KAZN: variants seen among roughly 807,000 people sequenced by gnomAD.
The protein encoded by KAZN is kazrin.
A neutral mutation model predicts 87.4 loss-of-function variants in KAZN; 40 were observed. The observed-to-expected ratio is 0.46, with a 90% CI of 0.36 to 0.60. KAZN has a LOEUF of 0.60. Among genes scored for constraint, KAZN ranks in the 20% least tolerant of loss-of-function variants. The pLI, the probability that KAZN is intolerant of heterozygous loss-of-function variation, is 0.00. For missense variants in KAZN, 898 were observed against 1,073.9 expected (o/e 0.84, Z 2.29); for synonymous variants, 466 against 458.3 (o/e 1.02, Z -0.22).
intron 1 of KAZN, among the ~76,000 whole-genome samples, chr1:14,041,069 C>T (rs1294074284): frequency 6.6e-6 from 1 of 152,128 alleles, no homozygotes. Context: ...TCACTTTGCT[C>T]CTCAGAAGCA....
chr1:14,005,043 A>G (rs1639976792), intron 1 of KAZN, among the ~76,000 whole-genome samples: 1 of 152,172 alleles, frequency 6.6e-6, no homozygotes, highest in Admixed American at 6.5e-5. Flanking sequence ...TCCAGCCTCC[A>G]TAACTGCAAG....
intron 1 of KAZN, among the ~76,000 whole-genome samples, chr1:14,012,019 G>A (rs1028457823): frequency 6.6e-6 from 1 of 152,138 alleles, no homozygotes; most frequent in Non-Finnish European, 1.5e-5. Context: ...CATTTTGTGG[G>A]TGGGGAGAAA....
chr1:14,008,988 C>A (rs929873138), intron 1 of KAZN, among the ~76,000 whole-genome samples: 5 of 152,160 alleles, frequency 3.3e-5, no homozygotes, highest in Non-Finnish European at 2.9e-5. Context: ...CAGCCCCTGG[C>A]GACTACCGTT....
At chr1:14,974,055 A>G (rs1665362758) in intron 2 of KAZN, among the ~76,000 whole-genome samples, 2 of 152,042 alleles carry the variant, frequency 1.3e-5, no homozygotes, top group Admixed American at 6.5e-5. Context: ...ATCTGGTGCC[A>G]TGGCAGGATG....
intron 2 of KAZN, among the ~76,000 whole-genome samples, chr1:14,406,402 A>G (rs1663856371): frequency 6.6e-6 from 1 of 152,208 alleles, no homozygotes; most frequent in Non-Finnish European, 1.5e-5. Flanking sequence ...AACCTGGATG[A>G]GATTGGAGAC....
At chr1:14,480,219 G>A (rs866295896) in intron 2 of KAZN, among the ~76,000 whole-genome samples, 35 of 152,332 alleles carry the variant, frequency 2.3e-4, no homozygotes, top group East Asian at 3.9e-4. Context: ...GGTAGCAAAC[G>A]TTCACCTGTA....
intron 1 of KAZN, among the ~76,000 whole-genome samples, chr1:14,753,091 T>C (rs1195273279): frequency 2.0e-5 from 3 of 152,232 alleles, no homozygotes; most frequent in Non-Finnish European, 4.4e-5. Flanking sequence ...CAAATCGTGG[T>C]TGAGGTCAAT....
At chr1:14,502,301 T>C (rs1451715702) in intron 2 of KAZN, among the ~76,000 whole-genome samples, 1 of 152,194 alleles carries the variant, frequency 6.6e-6, no homozygotes, top group Non-Finnish European at 1.5e-5. Context: ...TCTTCATTCA[T>C]TTATTCACTG....
At chr1:13,942,288 C>A (rs992831047) in intron 1 of KAZN, among the ~76,000 whole-genome samples, 7 of 151,946 alleles carry the variant, frequency 4.6e-5, no homozygotes, top group African/African-American at 1.7e-4. Context: ...CGCCTGTAAT[C>A]CCAGCACTTT....
intron 1 of KAZN, among the ~76,000 whole-genome samples, chr1:14,088,612 T>C (rs1208064929): frequency 6.6e-6 from 1 of 152,000 alleles, no homozygotes; most frequent in Non-Finnish European, 1.5e-5. Context: ...TCTGCTGTTG[T>C]TGGACAGGAT....
rs933202136 is a variant in KAZN at position 15,037,585 on chromosome 1, A to G, written c.555+2700A>G. ...GGGGTAGGGGCATATGCCTGCTACC[A>G]TTATTATTATCATTATCATTATTAT... On this transcript the variant is annotated intron_variant, in intron 3 of 14. Transcript: ENST00000376030. 1.9e-4 allele frequency among the ~76,000 whole-genome samples: 29 copies of G among 151,406 alleles called. 1 individual carries two copies. Among genetic ancestry groups the G allele is most frequent in the Admixed American group, 1.6e-3 (25 of 15,252 alleles).
chr1:14,449,976 T>A (rs566356610), intron 2 of KAZN, among the ~76,000 whole-genome samples: 3 of 152,186 alleles, frequency 2.0e-5, no homozygotes, highest in Non-Finnish European at 4.4e-5. Flanking sequence ...TTTTAACTCT[T>A]AATGGCCCCT....
chr1:14,846,831 A>C (rs1471030162), intron 1 of KAZN, among the ~76,000 whole-genome samples: 3 of 152,150 alleles, frequency 2.0e-5, no homozygotes, highest in African/African-American at 7.2e-5. Flanking sequence ...CTTCTTATAT[A>C]GGAAGGTGAC....
rs1308607565 is a variant in KAZN at position 14,914,053 on chromosome 1, C to T, written c.227-46631C>T. ...TCAGAGGGCATGAAGACCTAGCAGC[C>T]CTTCTGGGCAGGGCAGTGGCCCTCA... On this transcript the variant is annotated intron_variant, in intron 1 of 14. Coordinates refer to ENST00000376030, the MANE Select transcript of KAZN (RefSeq NM_201628.3). 2.0e-5 allele frequency among the ~76,000 whole-genome samples: 3 copies of T among 152,226 alleles called. No individual in the cohort carries two copies. In the East Asian group the frequency reaches 5.8e-4, roughly 29 times the overall value.
In KAZN at chr1:14,910,925, G is replaced by A. The variant is rs192322554; in HGVS notation, c.227-49759G>A. ...TGTGGGAAAAACAAAATATGTCTGTGAGCCAAATGTGGGCTACTGGCTGCA... is the reference window on the plus strand; with the variant it reads ...TGTGGGAAAAACAAAATATGTCTGTAAGCCAAATGTGGGCTACTGGCTGCA... On this transcript the variant is annotated intron_variant, in intron 1 of 14. Coordinates refer to ENST00000376030, the MANE Select transcript of KAZN (RefSeq NM_201628.3). Among the ~76,000 whole-genome samples, 7 of 152,294 alleles carry A rather than the reference G, an allele frequency of 4.6e-5. No homozygotes were observed. In the East Asian group the frequency reaches 1.2e-3, roughly 25 times the overall value.
rs1030309187 is a variant in KAZN, at chr1:14,335,349, T to C, written c.249+154757T>C. Among the ~76,000 whole-genome samples, 3 of 151,868 alleles carry C rather than the reference T, an allele frequency of 2.0e-5. No homozygotes were observed. In the South Asian group the frequency reaches 6.2e-4, roughly 32 times the overall value. On this transcript the variant is annotated intron_variant, in intron 2 of 16. Coordinates refer to the KAZN transcript ENST00000636203. ...TCCCGAGTAGCTGGGACTATAGGCA[T>C]GTGCCACCACACCTGGCTAATTTTT...
intron 2 of KAZN, among the ~76,000 whole-genome samples, chr1:14,968,544 GC>G (rs1016013432): frequency 9.3e-4 from 142 of 152,290 alleles, no homozygotes; most frequent in African/African-American, 3.2e-3. Context: ...GGACTTGGCA[GC>G]CCTAAACACT....
At chr1:14,418,041 A>C (rs944108983) in intron 2 of KAZN, among the ~76,000 whole-genome samples, 13 of 137,032 alleles carry the variant, frequency 9.5e-5, no homozygotes, top group South Asian at 2.4e-4. Flanking sequence ...AAAAAAAAAA[A>C]AAACCTACAT....
At chr1:14,056,623 C>T (rs1029490211) in intron 1 of KAZN, among the ~76,000 whole-genome samples, 3 of 152,086 alleles carry the variant, frequency 2.0e-5, no homozygotes, top group African/African-American at 7.2e-5. Flanking sequence ...AAAAGTAATA[C>T]GCCACCCTTA....
Sources: allele counts gnomAD v4.1 joint callset (sites outside exome capture counted in the v4.1 genomes callset), GRCh38; gene constraint gnomAD v4.1.1; transcripts MANE v1.5; gene names NCBI Gene and HGNC (gene_info 2026-07-23, HGNC 2026-07-21).